Variants in DMD observed in about 807,000 individuals in gnomAD.
DMD encodes the protein dystrophin.
A neutral mutation model predicts 330.1 loss-of-function variants in DMD; 63 were observed. That is an observed-to-expected ratio of 0.19 (90% CI 0.16 to 0.24). The LOEUF (loss-of-function observed/expected upper bound fraction) is 0.24. DMD is among the 10% of genes least tolerant of loss of function. The pLI, the probability that DMD is intolerant of heterozygous loss-of-function variation, is 1.00. For missense variants in DMD, 3,344 were observed against 2,684.1 expected (o/e 1.25, Z -5.43); for synonymous variants, 1,223 against 959.8 (o/e 1.27, Z -5.07).
At chrX:32,761,895 T>C (rs989736892) in intron 7 of DMD, among the ~76,000 whole-genome samples, 4 of 111,130 alleles carry the variant, frequency 3.6e-5, no homozygotes, top group African/African-American at 9.8e-5. Flanking sequence ...TCATGCTTGT[T>C]ATCCCAGCAC....
At chrX:31,186,255 G>A (rs1167317669) in intron 67 of DMD, among the ~76,000 whole-genome samples, 1 of 111,999 alleles carries the variant, frequency 8.9e-6, no homozygotes, top group East Asian at 2.8e-4. Context: ...CAATCTAAAT[G>A]CCCACCAATG....
chrX:31,686,701 G>A (rs2082708132), intron 52 of DMD, among the ~76,000 whole-genome samples: 1 of 112,106 alleles, frequency 8.9e-6, no homozygotes, highest in African/African-American at 3.2e-5. Context: ...AGGTTAGAGA[G>A]AATCTGTTGG....
At chrX:32,482,300 A>C (rs1227742426) in intron 21 of DMD, among the ~76,000 whole-genome samples, 1 of 111,113 alleles carries the variant, frequency 9.0e-6, no homozygotes, top group Non-Finnish European at 1.9e-5. Context: ...ATGGGAAACA[A>C]TTCCACCCCC....
intron 27 of DMD, 50 bp downstream of exon 27, chrX:32,448,406 A>T (rs1430219645): frequency 8.5e-7 from 1 of 1,177,220 alleles, no homozygotes; most frequent in South Asian, 1.8e-5. Context: ...TGCCTCACAT[A>T]TGACCATGTA....
chrX:32,064,699 G>A (rs935917592), intron 44 of DMD, among the ~76,000 whole-genome samples: 4 of 110,800 alleles, frequency 3.6e-5, no homozygotes, highest in South Asian at 3.7e-4. Flanking sequence ...CCATGTGTGT[G>A]GGTATATGGT....
chrX:32,417,917 C>A, intron 29 of DMD, among the ~76,000 whole-genome samples: 1 of 107,771 alleles, frequency 9.3e-6, no homozygotes, highest in African/African-American at 3.4e-5. Context: ...CTCCTACTTC[C>A]CAAGACATTG....
intron 63 of DMD, among the ~76,000 whole-genome samples, chrX:31,223,805 A>C (rs2046333597): frequency 8.9e-6 from 1 of 112,407 alleles, no homozygotes; most frequent in South Asian, 3.7e-4. Context: ...AAACCTTTTA[A>C]ATAAGCACTG....
rs1032349473 is a variant in DMD, at chrX:32,746,384, C to G, written c.650-47091G>C. Among the ~76,000 whole-genome samples the G allele has an allele frequency of 6.3e-5, 7 of 111,688 alleles. No homozygotes were observed. In the East Asian group the frequency reaches 2.0e-3, roughly 31 times the overall value. ...CCATCCAGCAGAATCTCACACAGATCCTTAATTTTAAAATGAGTTAAGAAG... is the reference window on the plus strand; with the variant it reads ...CCATCCAGCAGAATCTCACACAGATGCTTAATTTTAAAATGAGTTAAGAAG... On this transcript the variant is annotated intron_variant, in intron 7 of 78. Transcript: ENST00000357033.
At chrX:32,234,393 A>G (rs2097180131) in intron 43 of DMD, among the ~76,000 whole-genome samples, 1 of 111,492 alleles carries the variant, frequency 9.0e-6, no homozygotes, top group Non-Finnish European at 1.9e-5. Flanking sequence ...TGTAAGCTAT[A>G]AAGAAGGGGG....
intron 44 of DMD, among the ~76,000 whole-genome samples, chrX:32,101,416 G>A (rs931388156): frequency 9.0e-6 from 1 of 111,574 alleles, no homozygotes; most frequent in Non-Finnish European, 1.9e-5. Context: ...GGCATAGCAC[G>A]ATTAGAACTA....
intron 17 of DMD, among the ~76,000 whole-genome samples, chrX:32,533,782 CA>C: frequency 8.9e-6 from 1 of 111,920 alleles, no homozygotes; most frequent in Admixed American, 9.5e-5. Flanking sequence ...CAAAGAAACC[CA>C]CCATGCATTG....
At chrX:31,286,245 T>C (rs745827558) in intron 62 of DMD, among the ~76,000 whole-genome samples, 3 of 112,184 alleles carry the variant, frequency 2.7e-5, no homozygotes, top group Non-Finnish European at 3.8e-5. Context: ...GCTCATCTTG[T>C]GCTCTTATGT....
At chrX:32,946,656 A>G (rs191121945) in intron 2 of DMD, among the ~76,000 whole-genome samples, 58 of 112,425 alleles carry the variant, frequency 5.2e-4, no homozygotes, top group Non-Finnish European at 7.1e-4. Context: ...ATCATATTCA[A>G]TGATGTGTTG....
intron 55 of DMD, among the ~76,000 whole-genome samples, chrX:31,598,668 T>C (rs1348621713): frequency 8.9e-6 from 1 of 112,013 alleles, no homozygotes; most frequent in African/African-American, 3.2e-5. Flanking sequence ...ATATCGGTAC[T>C]AAACAAATTG....
intron 2 of DMD, among the ~76,000 whole-genome samples, chrX:32,949,288 A>G (rs867548958): frequency 2.3e-4 from 22 of 97,715 alleles, no homozygotes; most frequent in African/African-American, 3.3e-4. Flanking sequence ...ACACACACAC[A>G]CACGCACACA....
At chrX:31,174,109 A>G (rs921030425) in intron 71 of DMD, among the ~76,000 whole-genome samples, 1 of 111,971 alleles carries the variant, frequency 8.9e-6, no homozygotes, top group South Asian at 3.7e-4. Flanking sequence ...ATGTATCAAG[A>G]TGTCTTGATC....
rs187170033 is a variant in DMD, at chrX:32,919,393, G to A, written c.94-69573C>T. ...TCCCTAGGAAGTATTACTTTTCACTGCATTATTTTTTACTATTCAACTATA... is the reference window on the plus strand; with the variant it reads ...TCCCTAGGAAGTATTACTTTTCACTACATTATTTTTTACTATTCAACTATA... On this transcript the variant is annotated intron_variant, in intron 2 of 78. Transcript: ENST00000357033. Among the ~76,000 whole-genome samples, 656 of 112,038 alleles carry A rather than the reference G, an allele frequency of 5.9e-3. 7 individuals carry two copies. The highest frequency in any genetic ancestry group is 0.01 in the Non-Finnish European group (549 of 53,136).
At chrX:32,677,426 A>C (rs923708591) in intron 9 of DMD, among the ~76,000 whole-genome samples, 6 of 111,624 alleles carry the variant, frequency 5.4e-5, no homozygotes, top group Non-Finnish European at 5.7e-5. Flanking sequence ...AAAGAAATAC[A>C]AGACCAAAGA....
chrX:32,790,330 G>A (rs2075724665), intron 7 of DMD, among the ~76,000 whole-genome samples: 1 of 111,945 alleles, frequency 8.9e-6, no homozygotes, highest in Non-Finnish European at 1.9e-5. Context: ...AATTAGAGAT[G>A]CACAAAGGTA....
Sources: gnomAD v4.1 joint callset for allele counts (sites outside exome capture counted in the v4.1 genomes callset) on GRCh38, gnomAD v4.1.1 for gene constraint, MANE v1.5 for transcripts, NCBI Gene and HGNC (gene_info 2026-07-23, HGNC 2026-07-21) for gene names.